DHX57: variants seen among roughly 807,000 people sequenced by gnomAD.
The protein encoded by DHX57 is DExH-box helicase 57.
Under a neutral mutation model 156.2 loss-of-function variants are expected in DHX57, and 105 were observed. The observed-to-expected ratio is 0.67, with a 90% confidence interval of 0.57 to 0.79. The LOEUF (loss-of-function observed/expected upper bound fraction) is 0.79. Among genes scored for constraint, DHX57 ranks in the 30% least tolerant of loss-of-function variants. DHX57 has a pLI of 0.00. For synonymous variants in DHX57, 704 were observed against 595.6 expected, an observed-to-expected ratio of 1.18 and a Z score of -2.65; for missense variants, 1,847 against 1,661.9, an observed-to-expected ratio of 1.11 and a Z score of -1.94.
intron 5 of DHX57, among the ~76,000 whole-genome samples, chr2:38,860,333 C>G (rs912951052): frequency 5.9e-5 from 9 of 152,242 alleles, no homozygotes; most frequent in African/African-American, 2.2e-4. Context: ...CCTGTAATCC[C>G]AGCTACTCAG....
intron 9 of DHX57, 138 bp from the exon 10 acceptor site, chr2:38,848,540 G>T: frequency 1.2e-6 from 1 of 855,524 alleles, no homozygotes; most frequent in Non-Finnish European, 1.7e-6. Context: ...AGAACAATAT[G>T]TCCTGTTCTT....
chr2:38,802,843 A>C lies in DHX57; in HGVS notation c.3889T>G (p.Cys1297Gly), dbSNP rs903923924. ...AGCGGGTACACAGACACCATGCTGC[A>C]GTCTCGGATGAATACTCGACTAGTT... ...IKTSRVFIRD[C>G]SMVSVYPLVL... is the part of the protein sequence containing the mutation. The change falls in exon 23 of 24, where the codon TGC (cysteine) becomes GGC (glycine). Residue 1297 changes from cysteine (C) to glycine (G), a missense_variant. Cys to Gly is a radical substitution (Grantham distance 159). Transcript: ENST00000457308. 1.2e-6 allele frequency: 2 copies of C among 1,614,050 alleles called. No individual in the cohort carries two copies. The highest frequency in any genetic ancestry group is 1.3e-5 in the African/African-American group (1 of 74,914).
intron 22 of DHX57, chr2:38,806,338 G>C (rs1209652877): frequency 4.3e-6 from 2 of 467,452 alleles, no homozygotes; most frequent in Non-Finnish European, 7.4e-6. Context: ...CTGAAAGCAG[G>C]CTTGAGTACT....
chr2:38,827,549 T>A (rs13422121), intron 14 of DHX57, among the ~76,000 whole-genome samples: 1 of 126,734 alleles, frequency 7.9e-6, no homozygotes, highest in African/African-American at 2.9e-5. Context: ...CATACATATA[T>A]ATACACATAC....
chr2:38,872,734 C>A (rs1355545431), intron 1 of DHX57, among the ~76,000 whole-genome samples: 1 of 152,086 alleles, frequency 6.6e-6, no homozygotes, highest in East Asian at 1.9e-4. Flanking sequence ...CACAAAGCAA[C>A]AACTGACAGA....
chr2:38,822,467 C>G (rs535268562), intron 17 of DHX57, among the ~76,000 whole-genome samples: 3 of 151,914 alleles, frequency 2.0e-5, no homozygotes, highest in Non-Finnish European at 4.4e-5. Context: ...GCGATCTCGG[C>G]TCAGCAACCT....
chr2:38,798,266 AG>A lies in DHX57; in HGVS notation c.*32del. ...GTTATTTCCCAGGTGAGCTAGAAGC[AG>A]GTGAGTAGCAAGCACTCTCTAAGAC... On this transcript the variant is annotated 3_prime_UTR_variant, in exon 24 of 24. Transcript: ENST00000457308. 1 of 1,590,302 alleles carries A rather than the reference AG, an allele frequency of 6.3e-7. No individual in the cohort carries two copies. Among genetic ancestry groups the A allele is most frequent in the South Asian group, 1.1e-5 (1 of 86,968 alleles).
At chr2:38,852,556 C>A (rs1043038127) in intron 9 of DHX57, among the ~76,000 whole-genome samples, 2 of 151,596 alleles carry the variant, frequency 1.3e-5, no homozygotes, top group Admixed American at 1.3e-4. Flanking sequence ...ATGATTAATG[C>A]CATCCATCTT....
At chr2:38,804,345 C>G (rs868269423) in intron 22 of DHX57, among the ~76,000 whole-genome samples, 2 of 152,038 alleles carry the variant, frequency 1.3e-5, no homozygotes, top group African/African-American at 2.4e-5. Flanking sequence ...CAAAAATTAG[C>G]TGGGAGCGAT....
Position 38,854,048 on chromosome 2 carries a change from T to C in DHX57, c.2030+6A>G, listed in dbSNP as rs774779541. ...TGTGTGTTCCCTGGGAAAGTCTTTG[T>C]TTTACCTTTCTTCTGTCCTCTCATG... On this transcript the variant is annotated splice_donor_region_variant and intron_variant, in intron 9 of 23. Coordinates refer to ENST00000457308, the MANE Select transcript of DHX57 (RefSeq NM_198963.3). 4 of 1,602,312 alleles carry C rather than the reference T, an allele frequency of 2.5e-6. No homozygotes were observed. The highest frequency in any genetic ancestry group is 3.4e-6 in the Non-Finnish European group (4 of 1,174,138).
Position 38,861,146 on chromosome 2 carries a change from C to T in DHX57, c.1264G>A (p.Val422Ile), listed in dbSNP as rs766777001. The T allele has an allele frequency of 1.2e-6, 2 of 1,614,160 alleles. No individual in the cohort carries two copies. The highest frequency in any genetic ancestry group is 1.7e-5 in the Admixed American group (1 of 60,022). The change falls in exon 5 of 24, where the codon GTC becomes ATC. Residue 422 changes from valine to isoleucine, a missense_variant. By Grantham distance (29) the Val-to-Ile change is conservative (BLOSUM62 3). Coordinates refer to ENST00000457308, the MANE Select transcript of DHX57 (RefSeq NM_198963.3). Reference protein sequence around the residue: ...ITLLEEESEIVKLLTNTHHKY... With the variant: ...ITLLEEESEIIKLLTNTHHKY... ...TGGTGGGTATTCGTTAGTAACTTGACTATTTCCGACTCTTCCTCTAAAAGG... is the reference window on the plus strand; with the variant it reads ...TGGTGGGTATTCGTTAGTAACTTGATTATTTCCGACTCTTCCTCTAAAAGG...
intron 12 of DHX57, among the ~76,000 whole-genome samples, chr2:38,839,807 G>A (rs1176179151): frequency 6.6e-6 from 1 of 152,094 alleles, no homozygotes; most frequent in Non-Finnish European, 1.5e-5. Flanking sequence ...GAAGCAACAG[G>A]CTGCACAAAC....
intron 11 of DHX57, among the ~76,000 whole-genome samples, chr2:38,843,488 C>G (rs1352777120): frequency 6.6e-6 from 1 of 152,114 alleles, no homozygotes; most frequent in African/African-American, 2.4e-5. Flanking sequence ...TGAGTTATAG[C>G]CTTAGTAACA....
At chr2:38,808,212 C>T (rs1029732412) in intron 21 of DHX57, among the ~76,000 whole-genome samples, 3 of 151,892 alleles carry the variant, frequency 2.0e-5, no homozygotes, top group Non-Finnish European at 4.4e-5. Context: ...CTCAGCCTCC[C>T]AAAGTGCTGG....
chr2:38,802,953 C>T (rs770008812), intron 22 of DHX57, 38 bp from the exon 23 acceptor site: 2 of 1,609,424 alleles, frequency 1.2e-6, no homozygotes, highest in Non-Finnish European at 8.5e-7. Flanking sequence ...AGTGATGTCA[C>T]TGGCAACAAA....
rs1424810336 is a variant in DHX57, at chr2:38,826,637, C to G, written c.2692G>C (p.Val898Leu). 6.2e-6 allele frequency: 10 copies of G among 1,614,148 alleles called. No individual in the cohort carries two copies. Among genetic ancestry groups the G allele is most frequent in the Non-Finnish European group, 8.5e-6 (10 of 1,180,012 alleles). ...SSLSSEEQQA[V>L]FVKPPAGVTK... ...ACTCCTGCAGGAGGTTTTACAAACACAGCCTGCTGCTCTTCACTGGATAAA... is the reference window on the plus strand; with the variant it reads ...ACTCCTGCAGGAGGTTTTACAAACAGAGCCTGCTGCTCTTCACTGGATAAA... The change falls in exon 15 of 24, where the codon GTG becomes CTG. Residue 898 changes from valine (V) to leucine (L), a missense_variant. Transcript: ENST00000457308.
intron 20 of DHX57, among the ~76,000 whole-genome samples, chr2:38,815,096 T>G (rs1252346731): frequency 6.6e-6 from 1 of 151,604 alleles, no homozygotes; most frequent in East Asian, 1.9e-4. Context: ...AGACAGGGTT[T>G]GGCTCTGTTG....
chr2:38,829,422 C>G (rs1227715701), intron 13 of DHX57, among the ~76,000 whole-genome samples: 1 of 152,022 alleles, frequency 6.6e-6, no homozygotes, highest in Non-Finnish European at 1.5e-5. Context: ...GCTGGGATTA[C>G]AGGCACACGC....
intron 20 of DHX57, among the ~76,000 whole-genome samples, chr2:38,814,390 A>C (rs1169587289): frequency 6.6e-6 from 1 of 152,222 alleles, no homozygotes; most frequent in Admixed American, 6.6e-5. Context: ...CCACAGTCAC[A>C]TTGGACCCAC....
Sources: allele counts gnomAD v4.1 joint callset (sites outside exome capture counted in the v4.1 genomes callset), GRCh38; gene constraint gnomAD v4.1.1; transcripts MANE v1.5; gene names NCBI Gene and HGNC (gene_info 2026-07-23, HGNC 2026-07-21).